Variants in PLXDC2 observed in about 807,000 individuals in gnomAD.
The protein encoded by PLXDC2 is plexin domain containing 2, also known as plexin domain-containing protein 2.
PLXDC2 carries 40 observed loss-of-function variants against 68.9 expected under a neutral mutation model. The observed-to-expected ratio is 0.58, with a 90% CI of 0.45 to 0.76. The LOEUF (loss-of-function observed/expected upper bound fraction) is 0.76. Ranked by LOEUF, PLXDC2 falls within the 30% of genes least tolerant of loss-of-function variation. The pLI is 0.00. For missense variants in PLXDC2, 644 were observed against 661.9 expected, an observed-to-expected ratio of 0.97 and a Z score of 0.30; for synonymous variants, 243 against 234.2, an observed-to-expected ratio of 1.04 and a Z score of -0.34.
chr10:19,897,179 T>A (rs1242122904), intron 1 of PLXDC2, among the ~76,000 whole-genome samples: 1 of 151,950 alleles, frequency 6.6e-6, no homozygotes, highest in Admixed American at 6.6e-5. Flanking sequence ...ATGATATGAG[T>A]CTGTTTCTTT....
At position 19,817,149 on chromosome 10, in the gene PLXDC2, C is replaced by A; in HGVS notation, c.70C>A (p.Gln24Lys). Residue 24 changes from glutamine (Q) to lysine (K), a missense_variant, in exon 1 of 14, where the codon CAG (glutamine) becomes AAG (lysine). Physicochemically the swap from Gln to Lys is moderately conservative, Grantham distance 53. Transcript: ENST00000377252. ...VMLLCHFFTD[Q>K]FQFADGKPGD... The stretch of plus-strand genomic sequence containing the variant: ...GTTACTTTGCCACTTCTTCACGGAC[C>A]AGTTTCAGTTCGCCGATGGGAAACC... 6.3e-7 allele frequency: 1 copy of A among 1,576,280 alleles called. No homozygotes were observed. The highest frequency in any genetic ancestry group is 8.6e-7 in the Non-Finnish European group (1 of 1,157,714).
At chr10:20,258,981 C>T (rs1835777311) in intron 13 of PLXDC2, among the ~76,000 whole-genome samples, 1 of 142,846 alleles carries the variant, frequency 7.0e-6, no homozygotes, top group South Asian at 2.1e-4. Flanking sequence ...GCACTCCAGC[C>T]TGGGCGACAG....
intron 4 of PLXDC2, among the ~76,000 whole-genome samples, chr10:20,129,730 C>A (rs111239132): frequency 6.6e-6 from 1 of 151,866 alleles, no homozygotes; most frequent in African/African-American, 2.4e-5. Flanking sequence ...TTTCTACTTG[C>A]GGATATCTAG....
chr10:19,844,992 A>G (rs990798363), intron 1 of PLXDC2, among the ~76,000 whole-genome samples: 3 of 152,124 alleles, frequency 2.0e-5, no homozygotes, highest in African/African-American at 7.2e-5. Flanking sequence ...GTACAAGAAA[A>G]TATCTTGCTT....
chr10:19,833,816 T>G (rs1836739903), intron 1 of PLXDC2, among the ~76,000 whole-genome samples: 1 of 152,184 alleles, frequency 6.6e-6, no homozygotes, highest in Non-Finnish European at 1.5e-5. Flanking sequence ...AAGCAATCTA[T>G]GTGTAAGAAA....
chr10:20,120,751 G>A (rs2131760043), intron 4 of PLXDC2, among the ~76,000 whole-genome samples: 1 of 152,250 alleles, frequency 6.6e-6, no homozygotes, highest in South Asian at 2.1e-4. Context: ...AATAATCCCT[G>A]AGGAGTAGTA....
chr10:19,855,155 A>T (rs1837189181), intron 1 of PLXDC2, among the ~76,000 whole-genome samples: 1 of 152,170 alleles, frequency 6.6e-6, no homozygotes. Context: ...AATTTTGGAG[A>T]CTTAGTAGTA....
At chr10:20,065,185 G>A (rs546876068) in intron 3 of PLXDC2, among the ~76,000 whole-genome samples, 3 of 152,190 alleles carry the variant, frequency 2.0e-5, no homozygotes, top group Non-Finnish European at 2.9e-5. Context: ...GAATATTGTT[G>A]TCAGAAGGGA....
chr10:20,265,163 G>T (rs1295726595), intron 13 of PLXDC2, among the ~76,000 whole-genome samples: 1 of 152,132 alleles, frequency 6.6e-6, no homozygotes, highest in African/African-American at 2.4e-5. Flanking sequence ...CCATTGAGTA[G>T]AAAGGGCATA....
At chr10:20,067,093 TA>T (rs998163801) in intron 3 of PLXDC2, among the ~76,000 whole-genome samples, 1 of 152,158 alleles carries the variant, frequency 6.6e-6, no homozygotes, top group Non-Finnish European at 1.5e-5. Context: ...TTCAAACATA[TA>T]AAAAAGATTA....
At chr10:19,900,182 A>G (rs1838133696) in intron 1 of PLXDC2, among the ~76,000 whole-genome samples, 1 of 152,224 alleles carries the variant, frequency 6.6e-6, no homozygotes, top group South Asian at 2.1e-4. Context: ...GGATTTTGAA[A>G]AGCACACAAT....
At chr10:20,055,002 TA>T (rs1835971550) in intron 3 of PLXDC2, among the ~76,000 whole-genome samples, 2 of 152,162 alleles carry the variant, frequency 1.3e-5, no homozygotes, top group Admixed American at 6.6e-5. Flanking sequence ...CTGGCTTAAA[TA>T]TTTTTTTATC....
chr10:20,191,649 A>G (rs1203726627), intron 9 of PLXDC2, among the ~76,000 whole-genome samples: 1 of 139,084 alleles, frequency 7.2e-6, no homozygotes, highest in African/African-American at 2.6e-5. Context: ...ATGTGTTCTC[A>G]TTGTTGTGGG....
intron 1 of PLXDC2, among the ~76,000 whole-genome samples, chr10:19,986,132 G>A (rs1382817778): frequency 6.6e-6 from 1 of 152,178 alleles, no homozygotes; most frequent in Non-Finnish European, 1.5e-5. Context: ...TGAGGAGAAA[G>A]CACTTCTTTT....
At chr10:19,944,990 A>G (rs1833878902) in intron 1 of PLXDC2, among the ~76,000 whole-genome samples, 1 of 152,106 alleles carries the variant, frequency 6.6e-6, no homozygotes, top group African/African-American at 2.4e-5. Flanking sequence ...AAACAGAAGC[A>G]TTGGTTACTG....
At chr10:20,041,722 A>C (rs1835686894) in intron 2 of PLXDC2, among the ~76,000 whole-genome samples, 2 of 152,038 alleles carry the variant, frequency 1.3e-5, no homozygotes, top group African/African-American at 4.8e-5. Context: ...GAACAGAAAT[A>C]CTTTTTCTCC....
chr10:20,182,902 T>A (rs1834626830), intron 9 of PLXDC2, among the ~76,000 whole-genome samples: 1 of 151,952 alleles, frequency 6.6e-6, no homozygotes, highest in Admixed American at 6.6e-5. Flanking sequence ...TGTGTCTGTG[T>A]GTTCTCATTG....
chr10:20,196,260 T>A (rs1227446362), intron 9 of PLXDC2, among the ~76,000 whole-genome samples: 1 of 152,088 alleles, frequency 6.6e-6, no homozygotes, highest in East Asian at 1.9e-4. Flanking sequence ...AAGAGAAGAT[T>A]TTCCCTCCCT....
chr10:19,844,112 C>T (rs1034146307), intron 1 of PLXDC2, among the ~76,000 whole-genome samples: 23 of 152,080 alleles, frequency 1.5e-4, no homozygotes, highest in Non-Finnish European at 2.1e-4. Flanking sequence ...AAGACAGACA[C>T]ACAGGAAAAT....
Sources: gnomAD v4.1 joint callset for allele counts (sites outside exome capture counted in the v4.1 genomes callset) on GRCh38, gnomAD v4.1.1 for gene constraint, MANE v1.5 for transcripts, NCBI Gene and HGNC (gene_info 2026-07-23, HGNC 2026-07-21) for gene names.